INO80D: variants seen among roughly 807,000 people sequenced by gnomAD.
INO80D encodes INO80 complex subunit D.
A neutral mutation model predicts 87.6 loss-of-function variants in INO80D; 21 were observed. The observed-to-expected ratio is 0.24, with a 90% CI of 0.17 to 0.35. The LOEUF is 0.35. Among genes scored for constraint, INO80D ranks in the 10% least tolerant of loss-of-function variants. The probability of loss-of-function intolerance (pLI) is 1.00; values close to 1 mark genes in which losing one functional copy is unlikely to be tolerated. For missense variants in INO80D, 982 were observed against 1,280.7 expected (o/e 0.77, Z 3.56); for synonymous variants, 440 against 491.0 (o/e 0.90, Z 1.37).
At chr2:206,081,873 A>G (rs62195374) in intron 1 of INO80D, among the ~76,000 whole-genome samples, 4,719 of 152,278 alleles carry the variant, frequency 0.031, 113 homozygotes, top group Non-Finnish European at 0.047. Flanking sequence ...TCTAACCCTT[A>G]TATCAAAGAA....
chr2:206,055,344 G>T (rs775355903), intron 4 of INO80D, among the ~76,000 whole-genome samples: 1 of 152,122 alleles, frequency 6.6e-6, no homozygotes, highest in Non-Finnish European at 1.5e-5. Flanking sequence ...AGCAAAACAG[G>T]AAATTCAGAA....
At chr2:206,080,676 G>C (rs1690252030) in intron 1 of INO80D, among the ~76,000 whole-genome samples, 1 of 152,030 alleles carries the variant, frequency 6.6e-6, no homozygotes, top group African/African-American at 2.4e-5. Context: ...GGGAGGCCAA[G>C]GCGGGCGGAT....
At chr2:206,042,575 G>A (rs754952376) in intron 5 of INO80D, among the ~76,000 whole-genome samples, 40 of 152,042 alleles carry the variant, frequency 2.6e-4, no homozygotes, top group Admixed American at 7.2e-4. Flanking sequence ...CTGCTACTCG[G>A]GAGGCTGAGG....
chr2:206,071,036 C>T (rs915677718), intron 1 of INO80D, among the ~76,000 whole-genome samples: 3 of 151,920 alleles, frequency 2.0e-5, no homozygotes, highest in Non-Finnish European at 4.4e-5. Context: ...CAGCTCACTG[C>T]AACCTCCACC....
rs189855612 is a variant in INO80D at position 206,033,150 on chromosome 2, A to T, written c.1074-4815T>A. Among the ~76,000 whole-genome samples the T allele has an allele frequency of 2.6e-5, 4 of 152,352 alleles. No homozygotes were observed. In the East Asian group the frequency reaches 7.7e-4, roughly 29 times the overall value. On this transcript the variant is annotated intron_variant, in intron 5 of 10. Transcript: ENST00000403263. ...GGCACAGAAAAAGGCATTCCATGCAAATGGACACCAAAAGCAAGTAGGGGT... is the reference window on the plus strand; with the variant it reads ...GGCACAGAAAAAGGCATTCCATGCATATGGACACCAAAAGCAAGTAGGGGT...
intron 1 of INO80D, among the ~76,000 whole-genome samples, chr2:206,080,751 G>C (rs190725456): frequency 2.9e-3 from 435 of 151,546 alleles, no homozygotes; most frequent in African/African-American, 7.4e-3. Context: ...ACTAAAAATA[G>C]AAAAAATTAG....
chr2:206,064,448 C>T (rs531901501), intron 1 of INO80D, among the ~76,000 whole-genome samples: 1 of 152,200 alleles, frequency 6.6e-6, no homozygotes, highest in Non-Finnish European at 1.5e-5. Flanking sequence ...TCCAGAAATA[C>T]TCTCTGTTTT....
At chr2:206,050,252 G>A (rs1430295146) in intron 4 of INO80D, among the ~76,000 whole-genome samples, 2 of 151,834 alleles carry the variant, frequency 1.3e-5, no homozygotes, top group Non-Finnish European at 1.5e-5. Context: ...CAGCACTTTG[G>A]GAAGCCGAGG....
At chr2:206,022,577 T>C (rs1402215450) in intron 6 of INO80D, among the ~76,000 whole-genome samples, 3 of 152,202 alleles carry the variant, frequency 2.0e-5, no homozygotes, top group South Asian at 2.1e-4. Flanking sequence ...TTAGTCACTG[T>C]ATGATTGTGG....
chr2:206,016,742 C>A (rs1349144514), intron 8 of INO80D, among the ~76,000 whole-genome samples: 1 of 152,156 alleles, frequency 6.6e-6, no homozygotes, highest in African/African-American at 2.4e-5. Flanking sequence ...TTCCTGTTGT[C>A]TTTCCTGTTG....
chr2:206,007,552 T>C, intron 9 of INO80D, 111 bp from the exon 10 acceptor site: 2 of 1,250,958 alleles, frequency 1.6e-6, no homozygotes, highest in Middle Eastern at 3.9e-4. Flanking sequence ...CAGGGCACAG[T>C]GGCTCACACC....
chr2:206,023,632 A>C (rs1688525543), intron 6 of INO80D, among the ~76,000 whole-genome samples: 1 of 151,484 alleles, frequency 6.6e-6, no homozygotes, highest in Admixed American at 6.6e-5. Context: ...GTGGTGAGCC[A>C]AGACTGTGTC....
intron 1 of INO80D, among the ~76,000 whole-genome samples, chr2:206,084,236 TACATAC>T (rs1284198216): frequency 6.9e-4 from 71 of 103,608 alleles, no homozygotes; most frequent in African/African-American, 2.3e-3. Flanking sequence ...TTAAATGTTA[TACATAC>T]ACACACACAC....
intron 3 of INO80D, among the ~76,000 whole-genome samples, chr2:206,058,803 A>ATTAAGCCAGCAT (rs1330498877): frequency 2.0e-5 from 3 of 152,190 alleles, no homozygotes; most frequent in African/African-American, 7.2e-5. Context: ...CTTAAACAAA[A>ATTAAGCCAGCAT]TTAAAGAATG....
chr2:206,059,143 G>A (rs904291701), intron 3 of INO80D, among the ~76,000 whole-genome samples: 10 of 151,898 alleles, frequency 6.6e-5, no homozygotes, highest in Non-Finnish European at 1.3e-4. Context: ...CACTTTGGGA[G>A]GCCAAGGTGG....
chr2:206,027,545 A>AT (rs1194618685), intron 6 of INO80D, among the ~76,000 whole-genome samples: 1 of 152,006 alleles, frequency 6.6e-6, no homozygotes, highest in African/African-American at 2.4e-5. Flanking sequence ...ACAAAAAAAA[A>AT]TTTTTTTAAT....
intron 5 of INO80D, among the ~76,000 whole-genome samples, chr2:206,046,263 G>A (rs1053195438): frequency 2.6e-5 from 4 of 152,138 alleles, no homozygotes; most frequent in South Asian, 2.1e-4. Flanking sequence ...AGGGCCGGGC[G>A]TGGTAGCTCA....
intron 8 of INO80D, among the ~76,000 whole-genome samples, chr2:206,012,362 A>C (rs754578542): frequency 6.6e-6 from 1 of 152,286 alleles, no homozygotes; most frequent in African/African-American, 2.4e-5. Context: ...TGTACACTCA[A>C]AAGTGAATTC....
intron 3 of INO80D, among the ~76,000 whole-genome samples, chr2:206,060,934 G>T (rs141475777): frequency 4.6e-5 from 7 of 152,206 alleles, no homozygotes; most frequent in African/African-American, 1.4e-4. Flanking sequence ...TCTCAAAAGA[G>T]CAAACTATTT....
Sources: allele counts gnomAD v4.1 joint callset (sites outside exome capture counted in the v4.1 genomes callset), GRCh38; gene constraint gnomAD v4.1.1; transcripts MANE v1.5; gene names NCBI Gene and HGNC (gene_info 2026-07-23, HGNC 2026-07-21).